The following CCDC82 variants were observed in gnomAD, a reference collection of about 807,000 sequenced individuals.
The protein encoded by CCDC82 is coiled-coil domain containing 82, also known as coiled-coil domain-containing protein 82.
In CCDC82, 47 loss-of-function variants were observed where a neutral mutation model predicts 60.6. The observed-to-expected ratio is 0.77, with a 90% CI of 0.61 to 0.99. The LOEUF is 0.99. Ranked by LOEUF, CCDC82 falls within the 50% of genes least tolerant of loss-of-function variation. The probability of loss-of-function intolerance (pLI) is 0.00; values close to 1 mark genes in which losing one functional copy is unlikely to be tolerated. For synonymous variants in CCDC82, 212 were observed against 207.4 expected (o/e 1.02, Z -0.19); for missense variants, 588 against 633.0 (o/e 0.93, Z 0.76).
intron 9 of CCDC82, chr11:96,357,784 G>C (rs529470528): frequency 3.0e-6 from 3 of 985,386 alleles, no homozygotes; most frequent in East Asian, 2.3e-4. Context: ...GGAAAATGAA[G>C]ACGGGAAGTT....
At chr11:96,357,648 G>A in intron 9 of CCDC82, 5 of 984,142 alleles carry the variant, frequency 5.1e-6, no homozygotes, top group Non-Finnish European at 6.0e-6. Flanking sequence ...TATGCACAGT[G>A]ATTTTTCTAT....
chr11:96,375,846 T>C (rs1865543916), intron 5 of CCDC82, among the ~76,000 whole-genome samples: 1 of 152,110 alleles, frequency 6.6e-6, no homozygotes, highest in Non-Finnish European at 1.5e-5. Context: ...TTAAGAAAAA[T>C]GGCATTCTCA....
intron 5 of CCDC82, among the ~76,000 whole-genome samples, chr11:96,374,315 T>C (rs1357705633): frequency 1.3e-5 from 2 of 152,140 alleles, no homozygotes; most frequent in Non-Finnish European, 2.9e-5. Context: ...CAACCATGGA[T>C]AGATTTTGAC....
At chr11:96,365,888 G>C (rs942306239) in intron 7 of CCDC82, among the ~76,000 whole-genome samples, 1 of 152,190 alleles carries the variant, frequency 6.6e-6, no homozygotes, top group Non-Finnish European at 1.5e-5. Context: ...CACACAGTGA[G>C]CATATTAGCA....
chr11:96,353,771 G>T (rs754982741), intron 9 of CCDC82, 57 bp from the exon 10 acceptor site: 125 of 1,245,450 alleles, frequency 1.0e-4, no homozygotes, highest in Non-Finnish European at 1.3e-4. Context: ...GACAAACTGG[G>T]CCTTTGCAAA....
chr11:96,377,354 T>C (rs1183061015), intron 5 of CCDC82, among the ~76,000 whole-genome samples: 1 of 71,768 alleles, frequency 1.4e-5, no homozygotes, highest in African/African-American at 7.9e-5. Context: ...TGTGTGTACA[T>C]AATACACACA....
At chr11:96,354,217 T>TAAGC (rs1206927149) in intron 9 of CCDC82, 2 of 152,362 alleles carry the variant, frequency 1.3e-5, no homozygotes, top group African/African-American at 4.8e-5. Flanking sequence ...TTAGTTGAGG[T>TAAGC]AAGCAGTAAA....
At position 96,384,193 on chromosome 11, in the gene CCDC82, T is replaced by C. The variant is rs377180171; in HGVS notation, c.555A>G (p.Leu185=). 10 of 1,613,764 alleles carry C rather than the reference T, an allele frequency of 6.2e-6. No homozygotes were observed. Among genetic ancestry groups the C allele is most frequent in the Admixed American group, 1.7e-5 (1 of 59,956 alleles). The change falls in exon 4 of 10, where the codon CTA becomes CTG. Residue 185 remains leucine, a synonymous_variant. Transcript: ENST00000646818. The stretch of plus-strand genomic sequence containing the variant: ...CATCACTGTCACACATCACAGAGGA[T>C]AGCCTTTTTCTTTTTCCTCGCTTGA... The part of the protein sequence containing the change: ...EDIKRGKRKR[L]SSVMCDSDES...
chr11:96,355,635 T>C (rs1342212569), intron 9 of CCDC82: 5 of 152,176 alleles, frequency 3.3e-5, no homozygotes, highest in Non-Finnish European at 5.9e-5. Flanking sequence ...CTTAAGCTTA[T>C]ACTTTTAACC....
chr11:96,387,388 C>A (rs1289344532), intron 2 of CCDC82, 142 bp downstream of exon 2: 1 of 152,144 alleles, frequency 6.6e-6, no homozygotes, highest in African/African-American at 2.4e-5. Context: ...CTTATGACTG[C>A]ACAGTTAAGC....
chr11:96,360,306 C>T (rs1178236250), intron 8 of CCDC82, among the ~76,000 whole-genome samples: 1 of 150,794 alleles, frequency 6.6e-6, no homozygotes, highest in Non-Finnish European at 1.5e-5. Context: ...GGTTTCCCTG[C>T]CTCAGCCTCC....
chr11:96,378,825 G>A (rs1865720515), intron 5 of CCDC82, among the ~76,000 whole-genome samples: 1 of 151,836 alleles, frequency 6.6e-6, no homozygotes, highest in African/African-American at 2.4e-5. Context: ...AAGAATTGTA[G>A]TTTCAGAATA....
At chr11:96,385,428 G>T (rs2136216691) in intron 3 of CCDC82, 1 of 152,402 alleles carries the variant, frequency 6.6e-6, no homozygotes, top group East Asian at 1.9e-4. Context: ...GTAGGCAAAG[G>T]ATTCTGAATA....
chr11:96,357,291 C>T, intron 9 of CCDC82: 1 of 985,240 alleles, frequency 1.0e-6, no homozygotes, highest in Non-Finnish European at 1.2e-6. Flanking sequence ...GTGGAGAAAT[C>T]TCAAAAAAAT....
rs575911765 is a variant in CCDC82, at chr11:96,384,409, C to T, written c.339G>A (p.Thr113=). The T allele has an allele frequency of 2.0e-5, 32 of 1,613,420 alleles. No homozygotes were observed. The Middle Eastern group carries it at 1.2e-3, about 58-fold the overall frequency. ...SGNGSTYEEE[T]NKIKHRNIDL... ...CAATATTCCTATGTTTGATTTTGTT[C>T]GTTTCTTCTTCATATGTTGAACCGT... The change falls in exon 4 of 10, where the codon ACG becomes ACA. Residue 113 remains threonine, a synonymous_variant. Transcript: ENST00000646818.
At chr11:96,362,900 A>G (rs1445677101) in intron 8 of CCDC82, among the ~76,000 whole-genome samples, 1 of 152,194 alleles carries the variant, frequency 6.6e-6, no homozygotes, top group Non-Finnish European at 1.5e-5. Flanking sequence ...AGCAACACAA[A>G]ATAAAGAATT....
At chr11:96,383,807 C>A (rs1217650336) in intron 4 of CCDC82, among the ~76,000 whole-genome samples, 155 bp downstream of exon 4, 1 of 151,516 alleles carries the variant, frequency 6.6e-6, no homozygotes, top group Non-Finnish European at 1.5e-5. Context: ...ATATTACGTA[C>A]AATAGTGTAA....
At chr11:96,382,465 T>C (rs1258911432) in intron 5 of CCDC82, 1 of 151,694 alleles carries the variant, frequency 6.6e-6, no homozygotes, top group South Asian at 2.1e-4. Flanking sequence ...AAAATATATA[T>C]ATAATGAAAT....
intron 8 of CCDC82, chr11:96,363,450 T>C (rs1864778721): frequency 6.6e-6 from 1 of 152,216 alleles, no homozygotes; most frequent in Non-Finnish European, 1.5e-5. Context: ...TCTCTTAACA[T>C]ACCCAATAAC....
Sources: gnomAD v4.1 joint callset for allele counts (sites outside exome capture counted in the v4.1 genomes callset) on GRCh38, gnomAD v4.1.1 for gene constraint, MANE v1.5 for transcripts, NCBI Gene and HGNC (gene_info 2026-07-23, HGNC 2026-07-21) for gene names.